The following RTF2 variants were observed in gnomAD, a reference collection of about 807,000 sequenced individuals.
RTF2 encodes the protein UPF0549 protein C20orf43.
A neutral mutation model predicts 38.0 loss-of-function variants in RTF2; 18 were observed. The observed-to-expected ratio is 0.47, with a 90% CI of 0.33 to 0.70. The LOEUF (loss-of-function observed/expected upper bound fraction) is 0.70. RTF2 is among the 30% of genes least tolerant of loss of function. RTF2 has a pLI of 0.02. For missense variants in RTF2, 311 were observed against 379.6 expected (o/e 0.82, Z 1.50); for synonymous variants, 126 against 137.1 (o/e 0.92, Z 0.57).
At position 56,495,241 on chromosome 20, in the gene RTF2, G is replaced by A. The variant is rs191554409; in HGVS notation, c.477+11052G>A. The A allele has an allele frequency of 1.4e-4, 213 of 1,550,998 alleles. No homozygotes were observed. The East Asian group carries it at 3.9e-3, about 29-fold the overall frequency. ...TGAACATTTCCTTCCTCACTTTTCC[G>A]CTTAATGGCTCGAACATTTCCTTCC... On this transcript the variant is annotated intron_variant, in intron 5 of 8. Coordinates refer to ENST00000357348, the MANE Select transcript of RTF2 (RefSeq NM_016407.5).
Position 56,517,969 on chromosome 20 carries a change from A to G in RTF2, c.743-118A>G. The G allele has an allele frequency of 5.0e-6, 5 of 1,003,664 alleles. No homozygotes were observed. The South Asian group carries it at 7.9e-5, about 16-fold the overall frequency. The allele number at this position is 1,003,664 out of a possible 1,614,324, so 62.2% of individuals were successfully genotyped here. ...ATTAAGATGACGTCCGCCAGCACTCACACAGCCAGCAAGAGAACGTCTGGG... is the reference window on the plus strand; with the variant it reads ...ATTAAGATGACGTCCGCCAGCACTCGCACAGCCAGCAAGAGAACGTCTGGG... On this transcript the variant is annotated intron_variant, in intron 8 of 8. Transcript: ENST00000357348.
intron 5 of RTF2, chr20:56,497,573 G>A (rs192455042): frequency 1.5e-5 from 20 of 1,349,774 alleles, no homozygotes; most frequent in East Asian, 4.7e-5. Context: ...CTGCCCTCAC[G>A]ACAAGTCCAG....
chr20:56,512,310 C>T (rs1342573540), intron 5 of RTF2, among the ~76,000 whole-genome samples: 2 of 152,162 alleles, frequency 1.3e-5, no homozygotes, highest in Non-Finnish European at 2.9e-5. Context: ...CTGTCCCCAG[C>T]CGTGAGCACC....
intron 6 of RTF2, chr20:56,513,791 CTTACTG>C (rs1388547333): frequency 8.7e-6 from 2 of 228,878 alleles, no homozygotes; most frequent in Non-Finnish European, 1.8e-5. Context: ...GCTGCTGTCA[CTTACTG>C]TTGCTGTTGA....
At position 56,496,858 on chromosome 20, in the gene RTF2, A is replaced by T. The variant is rs753661480; in HGVS notation, c.477+12669A>T. Reference sequence around the variant, plus strand: ...GCATAGATACTTCCTTTAGGAACGAATTCGAGATGACTTTGACTTGTCTTG... The same window carrying T: ...GCATAGATACTTCCTTTAGGAACGATTTCGAGATGACTTTGACTTGTCTTG... On this transcript the variant is annotated intron_variant, in intron 5 of 8. Coordinates refer to ENST00000357348, the MANE Select transcript of RTF2 (RefSeq NM_016407.5). The T allele has an allele frequency of 1.4e-5, 21 of 1,551,724 alleles. No individual in the cohort carries two copies. The African/African-American group carries it at 2.7e-4, about 20-fold the overall frequency.
At position 56,519,244 on chromosome 20, in the gene RTF2, T is replaced by A. The variant is rs1332966699; in HGVS notation, c.*979T>A. 1 of 151,990 alleles carries A rather than the reference T, an allele frequency of 6.6e-6. No individual in the cohort carries two copies. Among genetic ancestry groups the A allele is most frequent in the Non-Finnish European group, 1.5e-5 (1 of 68,060 alleles). 9.4% of individuals were successfully genotyped at this position (151,990 alleles called of 1,614,324 possible). A position where few individuals can be genotyped will look rare whatever the true frequency, so the allele number is the denominator to read the frequency against. On this transcript the variant is annotated 3_prime_UTR_variant, in exon 9 of 9. Transcript: ENST00000357348. ...AGCAGAAGGAGCTGTGGGAGGTGAA[T>A]GGTGGGAGGTGAACAGGCAGGTTCT...
chr20:56,475,439 G>A (rs1023154258), intron 3 of RTF2, among the ~76,000 whole-genome samples: 2 of 151,992 alleles, frequency 1.3e-5, no homozygotes, highest in African/African-American at 4.8e-5. Context: ...TCTTTCTTTC[G>A]TATTATTAGG....
At chr20:56,475,977 G>A (rs933192670) in intron 3 of RTF2, among the ~76,000 whole-genome samples, 2 of 152,230 alleles carry the variant, frequency 1.3e-5, no homozygotes, top group Admixed American at 6.5e-5. Flanking sequence ...GCTCATTCTC[G>A]ACCAGGAAGC....
intron 8 of RTF2, 69 bp downstream of exon 8, chr20:56,517,270 T>A: frequency 1.6e-6 from 2 of 1,218,002 alleles, no homozygotes; most frequent in East Asian, 4.7e-5. Flanking sequence ...GAGTCCAGGT[T>A]TCACTGGAGT....
intron 4 of RTF2, among the ~76,000 whole-genome samples, chr20:56,482,937 C>T (rs187610155): frequency 4.0e-4 from 61 of 152,320 alleles, no homozygotes; most frequent in Admixed American, 1.5e-3. Context: ...GAAATCGACA[C>T]GTATTCTTCC....
chr20:56,471,797 G>T (rs1981985965), intron 1 of RTF2: 1 of 152,154 alleles, frequency 6.6e-6, no homozygotes, highest in African/African-American at 2.4e-5. Context: ...TAATCTCTTG[G>T]TGCCTCACTT....
rs1174628677 is a variant in RTF2, at chr20:56,517,744, C to CA, written c.743-342dup. 2.6e-5 allele frequency among the ~76,000 whole-genome samples: 4 copies of CA among 152,206 alleles called. No homozygotes were observed. In the East Asian group the frequency reaches 5.8e-4, roughly 22 times the overall value. ...GTGATCTTGTGCTCTAAGTAGCATC[C>CA]AGGGTGGCTGACAGGCTCCCATCCC... is the stretch of plus-strand genomic sequence containing the variant. On this transcript the variant is annotated intron_variant, in intron 8 of 8. Transcript: ENST00000357348.
intron 5 of RTF2, among the ~76,000 whole-genome samples, chr20:56,489,899 G>A (rs919469217): frequency 2.6e-5 from 4 of 152,262 alleles, no homozygotes; most frequent in African/African-American, 9.6e-5. Flanking sequence ...CATGTAGCCA[G>A]CTATCGCCTT....
intron 5 of RTF2, among the ~76,000 whole-genome samples, chr20:56,503,223 C>A (rs1178008212): frequency 6.6e-6 from 1 of 152,196 alleles, no homozygotes; most frequent in Non-Finnish European, 1.5e-5. Flanking sequence ...TCTTGAGTTA[C>A]TTGAGATGAG....
At chr20:56,514,915 C>G (rs958108421) in intron 6 of RTF2, among the ~76,000 whole-genome samples, 1 of 151,898 alleles carries the variant, frequency 6.6e-6, no homozygotes, top group Non-Finnish European at 1.5e-5. Context: ...GGCGTGGTGG[C>G]GTGTGCCTGT....
chr20:56,511,877 G>T (rs1984693688), intron 5 of RTF2, among the ~76,000 whole-genome samples: 1 of 152,052 alleles, frequency 6.6e-6, no homozygotes, highest in Non-Finnish European at 1.5e-5. Flanking sequence ...CTGTCGCCCA[G>T]GCTGGAGTGC....
At chr20:56,473,609 C>T (rs1205792451) in intron 2 of RTF2, among the ~76,000 whole-genome samples, 1 of 152,138 alleles carries the variant, frequency 6.6e-6, no homozygotes, top group South Asian at 2.1e-4. Flanking sequence ...CTGGGCTGAG[C>T]GCAGTGGCTC....
At chr20:56,489,497 C>T (rs141605933) in intron 5 of RTF2, among the ~76,000 whole-genome samples, 1,975 of 152,334 alleles carry the variant, frequency 0.013, 56 homozygotes, top group African/African-American at 0.046. Context: ...AGTCACACTG[C>T]AGAGTGTAGC....
intron 5 of RTF2, chr20:56,496,685 G>GATGTCTTTGGACCACTGAAGC: frequency 6.5e-7 from 1 of 1,547,982 alleles, no homozygotes. Flanking sequence ...CTGGGCTGCG[G>GATGTCTTTGGACCACTGAAGC]ATGTCTTTGG....
Sources: allele counts gnomAD v4.1 joint callset (sites outside exome capture counted in the v4.1 genomes callset), GRCh38; gene constraint gnomAD v4.1.1; transcripts MANE v1.5; gene names NCBI Gene and HGNC (gene_info 2026-07-23, HGNC 2026-07-21).